The following TTC27 variants were observed in gnomAD, a reference collection of about 807,000 sequenced individuals.
TTC27 encodes tetratricopeptide repeat domain 27, also known as tetratricopeptide repeat protein 27.
A neutral mutation model predicts 115.9 loss-of-function variants in TTC27; 79 were observed. That is an observed-to-expected ratio of 0.68 (90% CI 0.57 to 0.82). The LOEUF (loss-of-function observed/expected upper bound fraction) is 0.82. Ranked by LOEUF, TTC27 falls within the 40% of genes least tolerant of loss-of-function variation. The pLI, the probability that TTC27 is intolerant of heterozygous loss-of-function variation, is 0.00. For missense variants in TTC27, 1,054 were observed against 993.1 expected, an observed-to-expected ratio of 1.06 and a Z score of -0.82; for synonymous variants, 401 against 356.0, an observed-to-expected ratio of 1.13 and a Z score of -1.42.
rs2148021928 is a variant in TTC27, at chr2:32,787,090, GA to G, written c.1941del (p.Ala648ProfsTer24). On this transcript the variant is annotated frameshift_variant, in exon 16 of 20. Transcript: ENST00000317907. LOFTEE classifies it high-confidence loss of function. ...CAGCACTGACGTTGGGGAATTTTCAGAAGCCATTAAAGCTTATCACCGGCTC... is the reference window on the plus strand; with the variant it reads ...CAGCACTGACGTTGGGGAATTTTCAGAGCCATTAAAGCTTATCACCGGCTC... ...LTSTDVGEFSEAIKAYHRLLD... is the reference protein window; with the variant it reads ...LTSTDVGEFSXAIKAYHRLLD... 1.2e-6 allele frequency: 2 copies of G among 1,614,016 alleles called. No homozygotes were observed. Among genetic ancestry groups the G allele is most frequent in the East Asian group, 2.2e-5 (1 of 44,868 alleles).
chr2:32,755,164 C>T lies in TTC27; in HGVS notation c.1453-3128C>T, dbSNP rs558348759. Among the ~76,000 whole-genome samples the T allele has an allele frequency of 3.9e-5, 6 of 152,222 alleles. No individual in the cohort carries two copies. In the East Asian group the frequency reaches 1.2e-3, roughly 30 times the overall value. ...TGGGCAGCCAGGCAGAGACGCTCCT[C>T]ACTTCCCAGACGGGGTGGCGGCCGG... On this transcript the variant is annotated intron_variant, in intron 12 of 19. Transcript: ENST00000317907.
At chr2:32,795,676 C>CCAAGTAG (rs1480203295) in intron 16 of TTC27, among the ~76,000 whole-genome samples, 1 of 150,312 alleles carries the variant, frequency 6.7e-6, no homozygotes, top group Non-Finnish European at 1.5e-5. Context: ...TGTTAGCCTC[C>CCAAGTAG]CAAGTAGCTG....
chr2:32,674,846 T>C (rs1666140887), intron 8 of TTC27, among the ~76,000 whole-genome samples: 1 of 151,938 alleles, frequency 6.6e-6, no homozygotes, highest in African/African-American at 2.4e-5. Flanking sequence ...ATGTATTTGG[T>C]AGATATGGGG....
intron 18 of TTC27, among the ~76,000 whole-genome samples, chr2:32,816,019 C>T (rs1352482020): frequency 6.6e-6 from 1 of 152,068 alleles, no homozygotes; most frequent in Non-Finnish European, 1.5e-5. Flanking sequence ...TCTTTGCGTG[C>T]AAAAAGAAAT....
At chr2:32,680,533 T>C (rs1415851698) in intron 9 of TTC27, among the ~76,000 whole-genome samples, 1 of 151,892 alleles carries the variant, frequency 6.6e-6, no homozygotes, top group Non-Finnish European at 1.5e-5. Context: ...TCAGGGAAGG[T>C]CTCAGTGGGA....
chr2:32,795,725 G>GTATTAT (rs3081615), intron 16 of TTC27, among the ~76,000 whole-genome samples: 20,390 of 138,526 alleles, frequency 0.15, 1,728 homozygotes, highest in Admixed American at 0.22. Context: ...GCTAATTTTT[G>GTATTAT]TATTATTATT....
rs965052028 is a variant in TTC27 at position 32,628,089 on chromosome 2, T to G, written c.-204T>G. On this transcript the variant is annotated 5_prime_UTR_variant, in exon 1 of 20. Coordinates refer to ENST00000317907, the MANE Select transcript of TTC27 (RefSeq NM_017735.5). ...AAGCCAGACCAGAGAGCGTGCGTGT[T>G]TTTCCCAGGGTGCCCCGCGCTGCTG... The G allele has an allele frequency of 3.4e-5, 19 of 554,930 alleles. No individual in the cohort carries two copies. Among genetic ancestry groups the G allele is most frequent in the Non-Finnish European group, 5.1e-5 (16 of 314,102 alleles). 34.4% of individuals were successfully genotyped at this position (554,930 alleles called of 1,614,324 possible). A position where few individuals can be genotyped will look rare whatever the true frequency, so the allele number is the denominator to read the frequency against.
intron 10 of TTC27, among the ~76,000 whole-genome samples, chr2:32,706,077 C>CTTTTTTTTTTTTTTTTTT (rs148953090): frequency 3.8e-5 from 2 of 53,220 alleles, no homozygotes; most frequent in Non-Finnish European, 6.3e-5. Flanking sequence ...TTACCTTACT[C>CTTTTTTTTTTTTTTTTTT]TTTTTTTTTT....
chr2:32,735,675 C>T (rs1226544598), intron 11 of TTC27, among the ~76,000 whole-genome samples: 2 of 152,134 alleles, frequency 1.3e-5, no homozygotes, highest in African/African-American at 4.8e-5. Context: ...ACTAACTAGC[C>T]ATATCATCTT....
intron 5 of TTC27, among the ~76,000 whole-genome samples, chr2:32,663,373 T>A (rs1012920967): frequency 6.6e-6 from 1 of 152,184 alleles, no homozygotes; most frequent in African/African-American, 2.4e-5. Context: ...TGGGTCAGAA[T>A]GCACCATTTC....
intron 12 of TTC27, among the ~76,000 whole-genome samples, chr2:32,740,715 C>T (rs1390120832): frequency 6.6e-6 from 1 of 152,142 alleles, no homozygotes; most frequent in African/African-American, 2.4e-5. Flanking sequence ...AGTGCAGTGG[C>T]ACGATCTTAG....
At chr2:32,796,754 A>G (rs1277645563) in intron 16 of TTC27, among the ~76,000 whole-genome samples, 1 of 152,236 alleles carries the variant, frequency 6.6e-6, no homozygotes, top group East Asian at 1.9e-4. Context: ...AAAACTTACC[A>G]CAAAACTGTA....
At chr2:32,673,400 T>C (rs746118185) in intron 8 of TTC27, among the ~76,000 whole-genome samples, 12 of 152,064 alleles carry the variant, frequency 7.9e-5, no homozygotes, top group Non-Finnish European at 1.8e-4. Context: ...AATTTTTTTG[T>C]ATTTTTAGTA....
chr2:32,797,420 T>G (rs1385342923), intron 16 of TTC27, among the ~76,000 whole-genome samples: 1 of 152,098 alleles, frequency 6.6e-6, no homozygotes, highest in Non-Finnish European at 1.5e-5. Context: ...TCAAGCAGCC[T>G]GCCCGCCTCT....
chr2:32,655,062 C>T (rs999711497), intron 5 of TTC27, among the ~76,000 whole-genome samples: 1 of 151,496 alleles, frequency 6.6e-6, no homozygotes, highest in Non-Finnish European at 1.5e-5. Context: ...GACCTCGGCT[C>T]AACTCAACCT....
chr2:32,773,450 A>T (rs1310121643), intron 13 of TTC27, among the ~76,000 whole-genome samples: 2 of 152,194 alleles, frequency 1.3e-5, no homozygotes, highest in African/African-American at 4.8e-5. Context: ...AGCACATGTT[A>T]ACTGCCCTGT....
intron 12 of TTC27, among the ~76,000 whole-genome samples, chr2:32,745,189 A>C (rs915125700): frequency 6.6e-6 from 1 of 152,174 alleles, no homozygotes; most frequent in African/African-American, 2.4e-5. Context: ...AAAATAATTA[A>C]CACATACTAG....
chr2:32,646,365 C>G (rs1400299876), intron 4 of TTC27, among the ~76,000 whole-genome samples: 1 of 151,810 alleles, frequency 6.6e-6, no homozygotes, highest in Non-Finnish European at 1.5e-5. Context: ...GATGGGATCT[C>G]ACTGCATTGC....
chr2:32,748,689 C>CTTT (rs36003831), intron 12 of TTC27, among the ~76,000 whole-genome samples: 9 of 133,324 alleles, frequency 6.8e-5, no homozygotes, highest in East Asian at 2.1e-4. Flanking sequence ...TCTAACAATT[C>CTTT]TTTTTTTTTT....
Sources: allele counts gnomAD v4.1 joint callset (sites outside exome capture counted in the v4.1 genomes callset), GRCh38; gene constraint gnomAD v4.1.1; transcripts MANE v1.5; gene names NCBI Gene and HGNC (gene_info 2026-07-23, HGNC 2026-07-21).